PCDHGA5: variants seen among roughly 807,000 people sequenced by gnomAD.
PCDHGA5 encodes protocadherin gamma subfamily A, 5.
In PCDHGA5, 36 loss-of-function variants were observed where a neutral mutation model predicts 56.7. That is an observed-to-expected ratio of 0.64 (90% confidence interval 0.49 to 0.84). The LOEUF (loss-of-function observed/expected upper bound fraction) is 0.84. Among genes scored for constraint, PCDHGA5 ranks in the 40% least tolerant of loss-of-function variants. The pLI is 0.00. For synonymous variants in PCDHGA5, 563 were observed against 520.2 expected (o/e 1.08, Z -1.12); for missense variants, 1,305 against 1,201.5 (o/e 1.09, Z -1.27).
rs192995605 is a variant in PCDHGA5 at position 141,395,094 on chromosome 5, G to C, written c.2421+28343G>C. 2.2e-4 allele frequency: 348 copies of C among 1,614,160 alleles called. 5 individuals carry two copies. The East Asian group carries it at 7.6e-3, about 35-fold the overall frequency. ...CTATTCCCAGGAAGTCTCCCTCACC[G>C]CCGACTCGCGGAAGAGTCACCTGAT... On this transcript the variant is annotated intron_variant, in intron 1 of 3. Transcript: ENST00000518069.
intron 1 of PCDHGA5, chr5:141,375,215 C>T: frequency 1.2e-6 from 2 of 1,614,004 alleles, no homozygotes; most frequent in Non-Finnish European, 1.7e-6. Flanking sequence ...AGACTCTGGC[C>T]TGAATGGCCT....
Position 141,491,665 on chromosome 5 carries a change from C to T in PCDHGA5, c.2422-3142C>T, listed in dbSNP as rs749918160. 6.2e-7 allele frequency: 1 copy of T among 1,613,764 alleles called. No homozygotes were observed. The highest frequency in any genetic ancestry group is 8.5e-7 in the Non-Finnish European group (1 of 1,180,000). On this transcript the variant is annotated intron_variant, in intron 1 of 3. Transcript: ENST00000518069. The surrounding 1 kb of genome is among the most constrained non-coding windows in gnomAD (Gnocchi z 6.9). ...TCTGGCGCTGGAGCCTGACGCCATCCGGTCCCGCTCTAATACGCTGCGGGA... is the reference window on the plus strand; with the variant it reads ...TCTGGCGCTGGAGCCTGACGCCATCTGGTCCCGCTCTAATACGCTGCGGGA...
chr5:141,436,080 T>C (rs755968267), intron 1 of PCDHGA5, among the ~76,000 whole-genome samples: 1 of 152,204 alleles, frequency 6.6e-6, no homozygotes, highest in Admixed American at 6.5e-5. Context: ...CAGTGTTCTA[T>C]AGGTAATATT....
chr5:141,420,357 CT>C, intron 1 of PCDHGA5: 1 of 1,376,278 alleles, frequency 7.3e-7, no homozygotes, highest in Non-Finnish European at 9.6e-7. Context: ...TTTTAAGATT[CT>C]AGATAACTTC....
chr5:141,502,446 C>T (rs541278139), intron 2 of PCDHGA5, among the ~76,000 whole-genome samples: 1 of 152,098 alleles, frequency 6.6e-6, no homozygotes, highest in South Asian at 2.1e-4. Context: ...ATTCAGATTA[C>T]ACACCTTGGT....
chr5:141,409,825 G>T (rs748261010), intron 1 of PCDHGA5: 8 of 1,610,680 alleles, frequency 5.0e-6, no homozygotes, highest in Admixed American at 3.4e-5. Context: ...GCTCGCCCAC[G>T]CTCAGCGCCA....
intron 3 of PCDHGA5, among the ~76,000 whole-genome samples, chr5:141,505,956 T>C (rs1177913983): frequency 6.6e-6 from 1 of 152,102 alleles, no homozygotes; most frequent in Non-Finnish European, 1.5e-5. Flanking sequence ...TGAAAGTGGG[T>C]GTAGAAATCC....
At chr5:141,454,997 A>G (rs2098809547) in intron 1 of PCDHGA5, among the ~76,000 whole-genome samples, 2 of 151,192 alleles carry the variant, frequency 1.3e-5, no homozygotes, top group Admixed American at 6.6e-5. Flanking sequence ...TATTTTTAGT[A>G]GAGACGGGGT....
intron 1 of PCDHGA5, chr5:141,395,745 T>C (rs2093305954): frequency 6.5e-6 from 1 of 153,196 alleles, no homozygotes; most frequent in African/African-American, 2.4e-5. Context: ...AAACCTCTTT[T>C]CTGAGCCCTG....
intron 2 of PCDHGA5, among the ~76,000 whole-genome samples, chr5:141,502,787 G>T (rs2099816081): frequency 6.6e-6 from 1 of 151,394 alleles, no homozygotes; most frequent in African/African-American, 2.4e-5. Flanking sequence ...TTACCTGGAT[G>T]ATTTCTTCAG....
intron 1 of PCDHGA5, among the ~76,000 whole-genome samples, chr5:141,451,430 T>C (rs1441183396): frequency 2.0e-5 from 3 of 152,240 alleles, no homozygotes; most frequent in Non-Finnish European, 4.4e-5. Context: ...AGACTAAGGG[T>C]TCCAGTTCCT....
chr5:141,418,478 G>C (rs777772131), intron 1 of PCDHGA5: 1 of 1,613,976 alleles, frequency 6.2e-7, no homozygotes, highest in Non-Finnish European at 8.5e-7. Context: ...AACGCAGAGC[G>C]CTCACCACTT....
intron 1 of PCDHGA5, chr5:141,413,804 CCATTCACCACCTGGTCCTCA>C: frequency 1.2e-6 from 2 of 1,613,194 alleles, no homozygotes; most frequent in Non-Finnish European, 1.7e-6. Flanking sequence ...GAGGAAGAGG[CCATTCACCACCTGGTCCTCA>C]CCGCCTCCGA....
At chr5:141,388,104 T>C in intron 1 of PCDHGA5, 1 of 1,386,112 alleles carries the variant, frequency 7.2e-7, no homozygotes, top group Non-Finnish European at 1.0e-6. Context: ...GGAGAAGCCT[T>C]ACTTCACCGT....
intron 1 of PCDHGA5, chr5:141,372,120 G>A (rs1169863583): frequency 3.1e-6 from 5 of 1,613,776 alleles, no homozygotes; most frequent in African/African-American, 1.3e-5. Flanking sequence ...TGCGCTCTTC[G>A]ATATGGTGCC....
chr5:141,400,561 A>G, intron 1 of PCDHGA5: 1 of 1,612,992 alleles, frequency 6.2e-7, no homozygotes, highest in Non-Finnish European at 8.5e-7. Flanking sequence ...TTCATTACCC[A>G]CCCAATTTTC....
intron 3 of PCDHGA5, among the ~76,000 whole-genome samples, chr5:141,507,625 G>C (rs2099862215): frequency 6.6e-6 from 1 of 152,256 alleles, no homozygotes; most frequent in Non-Finnish European, 1.5e-5. Context: ...AGCTGTTGTG[G>C]CCTTGCGCCC....
At chr5:141,409,828 C>G in intron 1 of PCDHGA5, 1 of 1,611,128 alleles carries the variant, frequency 6.2e-7, no homozygotes, top group Non-Finnish European at 8.5e-7. Flanking sequence ...CGCCCACGCT[C>G]AGCGCCAACG....
chr5:141,477,010 C>G lies in PCDHGA5; in HGVS notation c.2422-17797C>G. On this transcript the variant is annotated intron_variant, in intron 1 of 3. Coordinates refer to ENST00000518069, the MANE Select transcript of PCDHGA5 (RefSeq NM_018918.3). This position sits in a 1 kb window ranked among gnomAD's most constrained non-coding sequence, Gnocchi z 4.9. ...GCGTGCGGCAACTATTCGCCTTAGA[C>G]CTTGTAACCGGGATGCTGACAATCA... 4 of 1,614,260 alleles carry G rather than the reference C, an allele frequency of 2.5e-6. No homozygotes were observed. Among genetic ancestry groups the G allele is most frequent in the Non-Finnish European group, 2.5e-6 (3 of 1,180,052 alleles).
Sources: gnomAD v4.1 joint callset for allele counts (sites outside exome capture counted in the v4.1 genomes callset) on GRCh38, gnomAD v4.1.1 for gene constraint, Gnocchi (gnomAD v3.1) non-coding constraint, MANE v1.5 for transcripts, NCBI Gene and HGNC (gene_info 2026-07-23, HGNC 2026-07-21) for gene names.